Variants in SPATA18 observed in about 807,000 individuals in gnomAD.
The protein encoded by SPATA18 is mitochondria-eating protein.
SPATA18 carries 54 observed loss-of-function variants against 68.1 expected under a neutral mutation model. The ratio of observed to expected loss-of-function variants is 0.79; its 90% confidence interval spans 0.64 to 0.99. The LOEUF (loss-of-function observed/expected upper bound fraction) is 0.99. Among genes scored for constraint, SPATA18 ranks in the 50% least tolerant of loss-of-function variants. SPATA18 has a pLI of 0.00. For missense variants in SPATA18, 724 were observed against 681.1 expected, an observed-to-expected ratio of 1.06 and a Z score of -0.70; for synonymous variants, 242 against 244.8, an observed-to-expected ratio of 0.99 and a Z score of 0.11.
At chr4:52,071,422 T>G (rs962938904) in intron 5 of SPATA18, among the ~76,000 whole-genome samples, 2 of 152,244 alleles carry the variant, frequency 1.3e-5, no homozygotes, top group Admixed American at 1.3e-4. Context: ...ATTGTAGTTT[T>G]CTCTCATATT....
intron 4 of SPATA18, among the ~76,000 whole-genome samples, chr4:52,066,361 A>C (rs1253374947): frequency 1.3e-5 from 2 of 152,158 alleles, no homozygotes; most frequent in Non-Finnish European, 2.9e-5. Flanking sequence ...CATGTTAGCC[A>C]GGATGGTCTC....
At chr4:52,071,690 C>G (rs1345721405) in intron 5 of SPATA18, among the ~76,000 whole-genome samples, 1 of 152,084 alleles carries the variant, frequency 6.6e-6, no homozygotes, top group Non-Finnish European at 1.5e-5. Context: ...GAACTTTTCC[C>G]CATGCAAGCT....
In SPATA18 at chr4:52,078,831, A is replaced by G. The variant is rs963309227; in HGVS notation, c.1117A>G (p.Asn373Asp). 3 of 1,609,544 alleles carry G rather than the reference A, an allele frequency of 1.9e-6. No individual in the cohort carries two copies. Among genetic ancestry groups the G allele is most frequent in the Non-Finnish European group, 2.6e-6 (3 of 1,176,348 alleles). Residue 373 changes from asparagine to aspartate, a missense_variant, in exon 8 of 13, where the codon AAT becomes GAT. Physicochemically the swap from Asn to Asp is conservative, Grantham distance 23. Coordinates refer to ENST00000295213, the MANE Select transcript of SPATA18 (RefSeq NM_145263.4). ...TTATGTGGGGTCGAATGACTTTGAG[A>G]ATGCTGTCTTGGATTATGTCATTTG... ...PSYVGSNDFENAVLDYVICHL... is the reference protein window; with the variant it reads ...PSYVGSNDFEDAVLDYVICHL...
chr4:52,064,193 A>ATATATATG (rs914096060), intron 4 of SPATA18, among the ~76,000 whole-genome samples: 1 of 150,560 alleles, frequency 6.6e-6, no homozygotes, highest in Non-Finnish European at 1.5e-5. Context: ...CTATATATAT[A>ATATATATG]TATATATATA....
At chr4:52,084,697 A>T (rs919025426) in intron 10 of SPATA18, among the ~76,000 whole-genome samples, 1 of 152,240 alleles carries the variant, frequency 6.6e-6, no homozygotes, top group African/African-American at 2.4e-5. Context: ...CCCAAGGTTC[A>T]TTGTAATGGG....
chr4:52,085,852 G>T (rs1306742498), intron 11 of SPATA18, among the ~76,000 whole-genome samples: 1 of 152,118 alleles, frequency 6.6e-6, no homozygotes, highest in Non-Finnish European at 1.5e-5. Flanking sequence ...CGAGGCTGCA[G>T]TTAGCCGTGA....
In SPATA18 at chr4:52,097,097, G is replaced by A. The variant is rs759821367; in HGVS notation, c.*2210G>A. ...AAAATTTTTGGAAAGAATCCACAAA[G>A]CCAAAGGAGACTGGCCTATACTCAT... On this transcript the variant is annotated 3_prime_UTR_variant, in exon 13 of 13. Coordinates refer to ENST00000295213, the MANE Select transcript of SPATA18 (RefSeq NM_145263.4). 34 of 152,134 alleles carry A rather than the reference G, an allele frequency of 2.2e-4. No individual in the cohort carries two copies. Among genetic ancestry groups the A allele is most frequent in the Non-Finnish European group, 3.5e-4 (24 of 68,022 alleles). The allele number at this position is 152,134 out of a possible 1,614,324, so 9.4% of individuals were successfully genotyped here. A position where few individuals can be genotyped will look rare whatever the true frequency, so the allele number is the denominator to read the frequency against.
intron 4 of SPATA18, among the ~76,000 whole-genome samples, chr4:52,064,414 A>T (rs1292306164): frequency 6.6e-6 from 1 of 152,022 alleles, no homozygotes; most frequent in African/African-American, 2.4e-5. Flanking sequence ...GTAGTCTTTT[A>T]TCCCTCACCC....
chr4:52,081,048 G>C (rs1393475020), intron 9 of SPATA18, among the ~76,000 whole-genome samples: 1 of 152,206 alleles, frequency 6.6e-6, no homozygotes, highest in African/African-American at 2.4e-5. Context: ...TCATGGAAGA[G>C]CTGATACTAG....
chr4:52,084,917 G>A lies in SPATA18; in HGVS notation c.1481G>A (p.Trp494Ter). Reference sequence around the variant, plus strand: ...CTCTCTTTCTCTCTCTTTTTTAAGTGGAATTCGGTGCGATCTGTAAGTCGT... The same window carrying A: ...CTCTCTTTCTCTCTCTTTTTTAAGTAGAATTCGGTGCGATCTGTAAGTCGT... ...GEAVTRRGAF[W>*]NSVRSVSRCR... The change falls in exon 11 of 13, where the codon TGG becomes TAG. Residue 494 changes from tryptophan (W) to a stop codon, truncating the protein, a stop_gained and splice_region_variant. Coordinates refer to ENST00000295213, the MANE Select transcript of SPATA18 (RefSeq NM_145263.4). LOFTEE classifies it high-confidence loss of function. 6.2e-7 allele frequency: 1 copy of A among 1,613,814 alleles called. No individual in the cohort carries two copies. The highest frequency in any genetic ancestry group is 8.5e-7 in the Non-Finnish European group (1 of 1,179,880).
chr4:52,061,026 G>T, intron 3 of SPATA18, 129 bp downstream of exon 3: 1 of 727,484 alleles, frequency 1.4e-6, no homozygotes, highest in Non-Finnish European at 2.3e-6. Flanking sequence ...ATGGATATTG[G>T]TGGTTTCCAT....
At chr4:52,074,043 G>A (rs1001847536) in intron 6 of SPATA18, among the ~76,000 whole-genome samples, 17 of 152,264 alleles carry the variant, frequency 1.1e-4, no homozygotes, top group East Asian at 1.9e-4. Context: ...TTAAGTTCCC[G>A]TAGTGATTTC....
chr4:52,095,592 G>C lies in SPATA18; in HGVS notation c.*705G>C, dbSNP rs1742355881. On this transcript the variant is annotated 3_prime_UTR_variant, in exon 13 of 13. Transcript: ENST00000295213. ...GAGAATTTCCTTGTTCATAAATGTA[G>C]AGCAGTGATTTGATTAGAAGCCAGC... 1 of 152,192 alleles carries C rather than the reference G, an allele frequency of 6.6e-6. No individual in the cohort carries two copies. The highest frequency in any genetic ancestry group is 1.5e-5 in the Non-Finnish European group (1 of 68,078). 9.4% of individuals were successfully genotyped at this position (152,192 alleles called of 1,614,324 possible). A position where few individuals can be genotyped will look rare whatever the true frequency, so the allele number is the denominator to read the frequency against.
chr4:52,072,329 G>C lies in SPATA18; in HGVS notation c.758+173G>C, dbSNP rs527770285. On this transcript the variant is annotated intron_variant, in intron 6 of 12. Transcript: ENST00000295213. ...TTCTTAACTGCACCCCTTCCAGAGA[G>C]AGAAAATACCTCCTGAGTTGCCAGC... Among the ~76,000 whole-genome samples, 9 of 152,290 alleles carry C rather than the reference G, an allele frequency of 5.9e-5. No individual in the cohort carries two copies. In the South Asian group the frequency reaches 1.2e-3, roughly 21 times the overall value.
intron 11 of SPATA18, among the ~76,000 whole-genome samples, chr4:52,085,554 G>T (rs1407335245): frequency 1.3e-5 from 2 of 152,068 alleles, no homozygotes; most frequent in African/African-American, 4.8e-5. Context: ...AAACTATGAA[G>T]ATAACATCCC....
intron 7 of SPATA18, among the ~76,000 whole-genome samples, chr4:52,077,995 G>A (rs997256121): frequency 6.6e-6 from 1 of 151,996 alleles, no homozygotes. Flanking sequence ...TTAAATCAGG[G>A]TTAGCAAACC....
intron 11 of SPATA18, among the ~76,000 whole-genome samples, chr4:52,092,987 C>T (rs1298274515): frequency 6.6e-6 from 1 of 151,972 alleles, no homozygotes; most frequent in Non-Finnish European, 1.5e-5. Context: ...CTGGGGACCA[C>T]CAGAGAGTGG....
At chr4:52,083,001 G>A (rs1187480379) in intron 10 of SPATA18, 3 of 985,386 alleles carry the variant, frequency 3.0e-6, no homozygotes, top group African/African-American at 1.7e-5. Flanking sequence ...AGGTGGGAGA[G>A]AGGAACCAAT....
chr4:52,079,308 G>A (rs1176939749), intron 8 of SPATA18, among the ~76,000 whole-genome samples: 2 of 152,118 alleles, frequency 1.3e-5, no homozygotes, highest in African/African-American at 4.8e-5. Context: ...GTCATTGAGA[G>A]CATTAAATGA....
Sources: gnomAD v4.1 joint callset for allele counts (sites outside exome capture counted in the v4.1 genomes callset) on GRCh38, gnomAD v4.1.1 for gene constraint, MANE v1.5 for transcripts, NCBI Gene and HGNC (gene_info 2026-07-23, HGNC 2026-07-21) for gene names.